GPC5: variants seen among roughly 807,000 people sequenced by gnomAD.
GPC5 encodes the protein glypican 5, also known as glypican-5.
Under a neutral mutation model 53.9 loss-of-function variants are expected in GPC5, and 47 were observed. That is an observed-to-expected ratio of 0.87 (90% CI 0.69 to 1.11). The LOEUF (loss-of-function observed/expected upper bound fraction) is 1.11. Among genes scored for constraint, GPC5 ranks in the 50% most tolerant of loss-of-function variants. The pLI is 0.00. For synonymous variants in GPC5, 286 were observed against 263.3 expected (o/e 1.09, Z -0.84); for missense variants, 748 against 713.1 (o/e 1.05, Z -0.56).
At chr13:92,638,567 T>G (rs1369614788) in intron 7 of GPC5, among the ~76,000 whole-genome samples, 1 of 152,008 alleles carries the variant, frequency 6.6e-6, no homozygotes, top group Non-Finnish European at 1.5e-5. Flanking sequence ...CTTATACTCC[T>G]CTTTCTCAGA....
At chr13:92,784,069 C>CAAAGT (rs1876128992) in intron 7 of GPC5, among the ~76,000 whole-genome samples, 1 of 152,020 alleles carries the variant, frequency 6.6e-6, no homozygotes, top group Non-Finnish European at 1.5e-5. Context: ...TACCTAAAAG[C>CAAAGT]AAAGTAATGG....
chr13:91,628,508 C>CTGTCTG lies in GPC5; in HGVS notation c.326-64678_326-64677insGTCTGT, dbSNP rs3084145. Among the ~76,000 whole-genome samples the CTGTCTG allele has an allele frequency of 5.5e-3, 682 of 123,062 alleles. 2 individuals are homozygous for CTGTCTG. Among genetic ancestry groups the CTGTCTG allele is most frequent in the Non-Finnish European group, 7.8e-3 (499 of 64,130 alleles). 80.7% of individuals were successfully genotyped at this position (123,062 alleles called of 152,430 possible). A position where few individuals can be genotyped will look rare whatever the true frequency, so the allele number is the denominator to read the frequency against. ...TGTCTGTCTGTCTGTCTGTCTATCT[C>CTGTCTG]TCTATCTATCTGTCATCTATCAATC... On this transcript the variant is annotated intron_variant, in intron 2 of 7. Coordinates refer to ENST00000377067, the MANE Select transcript of GPC5 (RefSeq NM_004466.6).
At chr13:91,869,235 A>G (rs1453567139) in intron 5 of GPC5, among the ~76,000 whole-genome samples, 3 of 151,764 alleles carry the variant, frequency 2.0e-5, no homozygotes, top group African/African-American at 2.4e-5. Context: ...AATTTTTTGT[A>G]TCTTTACTAG....
intron 5 of GPC5, among the ~76,000 whole-genome samples, chr13:91,792,605 T>C (rs780574767): frequency 2.6e-5 from 4 of 152,194 alleles, no homozygotes; most frequent in Non-Finnish European, 5.9e-5. Context: ...TTCTCTATGA[T>C]CACATCTCAG....
Position 92,660,943 on chromosome 13 carries a change from T to C in GPC5, c.1562-205339T>C, listed in dbSNP as rs1198933087. Among the ~76,000 whole-genome samples, 4 of 152,062 alleles carry C rather than the reference T, an allele frequency of 2.6e-5. No homozygotes were observed. In the East Asian group the frequency reaches 7.7e-4, roughly 29 times the overall value. On this transcript the variant is annotated intron_variant, in intron 7 of 7. Coordinates refer to ENST00000377067, the MANE Select transcript of GPC5 (RefSeq NM_004466.6). ...TTAAAGTTAACATTTCTAACAACTT[T>C]TATATTAGATAGAAGTTCTCCTATG...
chr13:91,572,238 CATGTGTATATATAT>C lies in GPC5; in HGVS notation c.326-120947_326-120934del, dbSNP rs1566517764. On this transcript the variant is annotated intron_variant, in intron 2 of 7. Coordinates refer to ENST00000377067, the MANE Select transcript of GPC5 (RefSeq NM_004466.6). Reference sequence around the variant, plus strand: ...GTATATATATACACATATGTATATACATGTGTATATATATACACATATGTATATACATGTGTATA... The same window carrying C: ...GTATATATATACACATATGTATATACACACATATGTATATACATGTGTATA... 8.7e-3 allele frequency among the ~76,000 whole-genome samples: 847 copies of C among 97,224 alleles called. 10 individuals carry two copies. Among genetic ancestry groups the C allele is most frequent in the African/African-American group, 0.05 (797 of 15,960 alleles). 63.8% of individuals were successfully genotyped at this position (97,224 alleles called of 152,430 possible).
intron 1 of GPC5, among the ~76,000 whole-genome samples, chr13:91,446,059 A>G (rs1227816996): frequency 6.6e-6 from 1 of 151,944 alleles, no homozygotes; most frequent in Non-Finnish European, 1.5e-5. Flanking sequence ...TTCTGTTTGT[A>G]TTTTAAAGTT....
rs112022636 is a variant in GPC5 at position 92,008,479 on chromosome 13, G to GTT, written c.1401+100431_1401+100432dup. On this transcript the variant is annotated intron_variant, in intron 6 of 7. Coordinates refer to ENST00000377067, the MANE Select transcript of GPC5 (RefSeq NM_004466.6). ...CCCATGAGGAAGCATCTCTTTATGG[G>GTT]TTTTTTTTTTAGTGCTGTTTGTTGG... Among the ~76,000 whole-genome samples, 458 of 147,216 alleles carry GTT rather than the reference G, an allele frequency of 3.1e-3. 3 individuals carry two copies. Among genetic ancestry groups the GTT allele is most frequent in the African/African-American group, 0.011 (428 of 40,418 alleles).
rs1411817421 is a variant in GPC5, at chr13:92,466,759, ATGG to A, written c.1561+321775_1561+321777del. Among the ~76,000 whole-genome samples the A allele has an allele frequency of 2.0e-5, 3 of 152,066 alleles. No individual in the cohort carries two copies. In the South Asian group the frequency reaches 6.2e-4, roughly 32 times the overall value. On this transcript the variant is annotated intron_variant, in intron 7 of 7. Transcript: ENST00000377067. Reference sequence around the variant, plus strand: ...GGTTTAAGCAGTTGTTGGTGGTAGGATGGTGGTACCTGGAAATTCTCTGGTTCT... The same window carrying A: ...GGTTTAAGCAGTTGTTGGTGGTAGGATGGTACCTGGAAATTCTCTGGTTCT...
chr13:92,261,938 T>C (rs1419653799), intron 7 of GPC5, among the ~76,000 whole-genome samples: 2 of 152,200 alleles, frequency 1.3e-5, no homozygotes, highest in Non-Finnish European at 2.9e-5. Flanking sequence ...GCATTTGTTA[T>C]ACTGTTGTAA....
At chr13:91,690,841 A>G (rs190940264) in intron 2 of GPC5, among the ~76,000 whole-genome samples, 1 of 152,358 alleles carries the variant, frequency 6.6e-6, no homozygotes, top group Admixed American at 6.5e-5. Context: ...TATAGCACAT[A>G]TCTTAGAAAC....
At position 91,728,545 on chromosome 13, in the gene GPC5, G is replaced by T. The variant is rs544073658; in HGVS notation, c.1034G>T (p.Cys345Phe). ...TCTATTTAAAAGGTAAATAGGATTTGTGGCCGCCCTGTAAGAACACCCACA... is the reference window on the plus strand; with the variant it reads ...TCTATTTAAAAGGTAAATAGGATTTTTGGCCGCCCTGTAAGAACACCCACA... Reference protein sequence around the residue: ...QKLLEQVNRICGRPVRTPTQS... With the variant: ...QKLLEQVNRIFGRPVRTPTQS... Residue 345 changes from cysteine (C) to phenylalanine (F), a missense_variant, in exon 4 of 8, where the codon TGT becomes TTT. Coordinates refer to ENST00000377067, the MANE Select transcript of GPC5 (RefSeq NM_004466.6). 6.2e-7 allele frequency: 1 copy of T among 1,610,884 alleles called. No homozygotes were observed. The highest frequency in any genetic ancestry group is 1.1e-5 in the South Asian group (1 of 90,604).
intron 7 of GPC5, among the ~76,000 whole-genome samples, chr13:92,414,336 C>T (rs1489196131): frequency 4.0e-5 from 6 of 151,888 alleles, no homozygotes; most frequent in Non-Finnish European, 8.8e-5. Flanking sequence ...GAAACCCCAT[C>T]TCTACTAAAA....
chr13:91,981,671 A>G (rs1303334603), intron 6 of GPC5, among the ~76,000 whole-genome samples: 1 of 152,218 alleles, frequency 6.6e-6, no homozygotes, highest in Non-Finnish European at 1.5e-5. Flanking sequence ...ACATTGTGCT[A>G]GATATAATCC....
intron 2 of GPC5, among the ~76,000 whole-genome samples, chr13:91,641,762 T>C (rs938486757): frequency 6.6e-6 from 1 of 152,190 alleles, no homozygotes; most frequent in African/African-American, 2.4e-5. Context: ...CATAAGAGGG[T>C]GAGATCTTGA....
At chr13:92,256,244 A>G (rs1398121573) in intron 7 of GPC5, among the ~76,000 whole-genome samples, 3 of 151,958 alleles carry the variant, frequency 2.0e-5, no homozygotes, top group Non-Finnish European at 2.9e-5. Context: ...GGTGTCCTCA[A>G]TTGGATGTCG....
chr13:92,384,761 C>G (rs1160181251), intron 7 of GPC5, among the ~76,000 whole-genome samples: 1 of 152,102 alleles, frequency 6.6e-6, no homozygotes, highest in Non-Finnish European at 1.5e-5. Context: ...AGCATTTTCC[C>G]CACAAATGAT....
At chr13:92,534,114 T>G (rs1285819531) in intron 7 of GPC5, among the ~76,000 whole-genome samples, 2 of 152,016 alleles carry the variant, frequency 1.3e-5, no homozygotes, top group Non-Finnish European at 2.9e-5. Flanking sequence ...TAGTGAGATT[T>G]TATCTCTATA....
intron 1 of GPC5, among the ~76,000 whole-genome samples, chr13:91,403,133 C>T (rs1163940206): frequency 2.0e-5 from 3 of 152,176 alleles, no homozygotes; most frequent in Non-Finnish European, 2.9e-5. Flanking sequence ...GTTTGAACAA[C>T]GTGTTTGTGG....
Sources: gnomAD v4.1 joint callset for allele counts (sites outside exome capture counted in the v4.1 genomes callset) on GRCh38, gnomAD v4.1.1 for gene constraint, MANE v1.5 for transcripts, NCBI Gene and HGNC (gene_info 2026-07-23, HGNC 2026-07-21) for gene names.